Variants in BICC1 observed in about 807,000 individuals in gnomAD.
The protein encoded by BICC1 is protein bicaudal C homolog 1.
BICC1 carries 43 observed loss-of-function variants against 111.0 expected under a neutral mutation model. That is an observed-to-expected ratio of 0.39 (90% CI 0.30 to 0.50). The LOEUF (loss-of-function observed/expected upper bound fraction) is 0.50, where lower values mean the gene tolerates loss of function less well. Ranked by LOEUF, BICC1 falls within the 20% of genes least tolerant of loss-of-function variation. BICC1 has a pLI of 0.88. For missense variants in BICC1, 1,091 were observed against 1,203.2 expected (o/e 0.91, Z 1.38); for synonymous variants, 467 against 434.4 (o/e 1.07, Z -0.93).
chr10:58,632,077 G>T (rs1238306007), intron 2 of BICC1, among the ~76,000 whole-genome samples: 1 of 152,204 alleles, frequency 6.6e-6, no homozygotes, highest in East Asian at 1.9e-4. Context: ...TCGGTATGTA[G>T]TTGGAAAGTG....
At chr10:58,517,348 G>C (rs914544980) in intron 1 of BICC1, among the ~76,000 whole-genome samples, 1 of 152,202 alleles carries the variant, frequency 6.6e-6, no homozygotes, top group Non-Finnish European at 1.5e-5. Flanking sequence ...AGCAGAGTTA[G>C]CCACTGAAAC....
At chr10:58,556,921 T>G (rs1161337218) in intron 1 of BICC1, among the ~76,000 whole-genome samples, 1 of 152,044 alleles carries the variant, frequency 6.6e-6, no homozygotes, top group African/African-American at 2.4e-5. Flanking sequence ...AGGTGTGTGG[T>G]TAGTAGAATT....
At chr10:58,753,948 C>G (rs1842066385) in intron 3 of BICC1, among the ~76,000 whole-genome samples, 1 of 152,052 alleles carries the variant, frequency 6.6e-6, no homozygotes, top group Non-Finnish European at 1.5e-5. Flanking sequence ...GATGATATCT[C>G]TGCATACTCA....
intron 1 of BICC1, among the ~76,000 whole-genome samples, chr10:58,529,458 A>G (rs1433565926): frequency 1.3e-5 from 2 of 152,016 alleles, no homozygotes; most frequent in Non-Finnish European, 2.9e-5. Flanking sequence ...TGTATTATCT[A>G]TGTTCTGAGT....
At chr10:58,758,483 G>C (rs1051872631) in intron 3 of BICC1, among the ~76,000 whole-genome samples, 1 of 152,178 alleles carries the variant, frequency 6.6e-6, no homozygotes, top group Non-Finnish European at 1.5e-5. Context: ...CTGGCACATA[G>C]TTCATCTAGT....
At chr10:58,694,377 G>A (rs1300726728) in intron 2 of BICC1, among the ~76,000 whole-genome samples, 4 of 152,166 alleles carry the variant, frequency 2.6e-5, no homozygotes, top group African/African-American at 9.7e-5. Context: ...AAATGTGATT[G>A]GTCACTGATC....
intron 3 of BICC1, among the ~76,000 whole-genome samples, chr10:58,737,669 G>A (rs951012817): frequency 1.3e-5 from 2 of 152,118 alleles, no homozygotes; most frequent in Admixed American, 6.5e-5. Context: ...CTGAGGAATC[G>A]CCACACTGTC....
chr10:58,818,191 TC>T (rs1844154048), intron 19 of BICC1, among the ~76,000 whole-genome samples: 1 of 152,194 alleles, frequency 6.6e-6, no homozygotes, highest in Admixed American at 6.6e-5. Context: ...TATGTTTTTT[TC>T]AACATGTTAA....
chr10:58,579,971 A>ATT (rs67020311), intron 1 of BICC1, among the ~76,000 whole-genome samples: 12 of 149,284 alleles, frequency 8.0e-5, no homozygotes, highest in Non-Finnish European at 1.2e-4. Flanking sequence ...TTTGCCCTAA[A>ATT]TTTTTTTTTT....
chr10:58,615,434 C>A (rs1403922414), intron 1 of BICC1, among the ~76,000 whole-genome samples: 1 of 152,264 alleles, frequency 6.6e-6, no homozygotes, highest in South Asian at 2.1e-4. Flanking sequence ...TATGTAACCA[C>A]GCCACATGAG....
chr10:58,727,568 C>G (rs1015946126), intron 3 of BICC1, among the ~76,000 whole-genome samples: 5 of 151,050 alleles, frequency 3.3e-5, no homozygotes, highest in Admixed American at 6.6e-5. Flanking sequence ...GCCTGGGTAA[C>G]AGAGCAAGAT....
At chr10:58,697,597 A>AG (rs1340075348) in intron 2 of BICC1, among the ~76,000 whole-genome samples, 1 of 152,104 alleles carries the variant, frequency 6.6e-6, no homozygotes, top group Non-Finnish European at 1.5e-5. Flanking sequence ...TACCTTTTCC[A>AG]GTTCCCTAAT....
intron 3 of BICC1, among the ~76,000 whole-genome samples, chr10:58,717,378 T>C (rs1840780285): frequency 6.6e-6 from 1 of 152,066 alleles, no homozygotes; most frequent in Non-Finnish European, 1.5e-5. Flanking sequence ...AAAAACAGCT[T>C]CATATTGAAG....
intron 1 of BICC1, among the ~76,000 whole-genome samples, chr10:58,570,780 C>T (rs976092619): frequency 9.2e-5 from 14 of 152,176 alleles, no homozygotes; most frequent in African/African-American, 2.9e-4. Context: ...TGTGTATTTC[C>T]GAGACCTGAA....
In BICC1 at chr10:58,793,871, C is replaced by T. The variant is rs190339643; in HGVS notation, c.1179+256C>T. Among the ~76,000 whole-genome samples, 3 of 152,034 alleles carry T rather than the reference C, an allele frequency of 2.0e-5. No homozygotes were observed. In the East Asian group the frequency reaches 5.8e-4, roughly 29 times the overall value. On this transcript the variant is annotated intron_variant, in intron 9 of 20. Coordinates refer to ENST00000373886, the MANE Select transcript of BICC1 (RefSeq NM_001080512.3). The stretch of plus-strand genomic sequence containing the variant: ...CAACCAGTGCAGATATTCCCAAATC[C>T]CCCAAAACCCCAAATCTAAAACACT...
chr10:58,571,870 C>T lies in BICC1; in HGVS notation c.191-48985C>T, dbSNP rs115633051. ...GTATAAAGAAATGGGATTATTGTGT[C>T]GAATGGTATTTCTGCCTCTAGGTCT... is the stretch of plus-strand genomic sequence containing the variant. On this transcript the variant is annotated intron_variant, in intron 1 of 20. Transcript: ENST00000373886. Among the ~76,000 whole-genome samples the T allele has an allele frequency of 5.9e-3, 904 of 152,142 alleles. 7 individuals are homozygous for T. The highest frequency in any genetic ancestry group is 0.021 in the African/African-American group (862 of 41,502).
At chr10:58,612,844 A>T (rs117585196) in intron 1 of BICC1, among the ~76,000 whole-genome samples, 1 of 152,330 alleles carries the variant, frequency 6.6e-6, no homozygotes, top group Non-Finnish European at 1.5e-5. Context: ...ATAGAAAAGC[A>T]TTTCAAAATG....
intron 2 of BICC1, among the ~76,000 whole-genome samples, chr10:58,688,501 T>G (rs1441434568): frequency 6.6e-6 from 1 of 152,096 alleles, no homozygotes; most frequent in Non-Finnish European, 1.5e-5. Flanking sequence ...CCAGCCGGCT[T>G]CACCTCTCAC....
chr10:58,776,382 C>G (rs1842749620), intron 3 of BICC1, among the ~76,000 whole-genome samples: 1 of 152,210 alleles, frequency 6.6e-6, no homozygotes, highest in Non-Finnish European at 1.5e-5. Context: ...GGCAATACCT[C>G]TGGGACCTGT....
Sources: allele counts gnomAD v4.1 joint callset (sites outside exome capture counted in the v4.1 genomes callset), GRCh38; gene constraint gnomAD v4.1.1; transcripts MANE v1.5; gene names NCBI Gene and HGNC (gene_info 2026-07-23, HGNC 2026-07-21).